The following ARHGEF1 variants were observed in gnomAD, a reference collection of about 807,000 sequenced individuals.
ARHGEF1 encodes Rho guanine nucleotide exchange factor 1.
A neutral mutation model predicts 119.7 loss-of-function variants in ARHGEF1; 40 were observed. The ratio of observed to expected loss-of-function variants is 0.33; its 90% CI spans 0.26 to 0.44. The LOEUF (loss-of-function observed/expected upper bound fraction) is 0.44. Ranked by LOEUF, ARHGEF1 falls within the 20% of genes least tolerant of loss-of-function variation. The pLI, the probability that ARHGEF1 is intolerant of heterozygous loss-of-function variation, is 1.00. For missense variants in ARHGEF1, 976 were observed against 1,268.3 expected (o/e 0.77, Z 3.50); for synonymous variants, 494 against 521.0 (o/e 0.95, Z 0.71).
At chr19:41,919,375 C>T (rs997245004), upstream of ARHGEF1, among the ~76,000 whole-genome samples, 23 of 152,282 alleles carry the variant, frequency 1.5e-4, no homozygotes, top group African/African-American at 5.1e-4. Context: ...CACAAACATA[C>T]ACAATCAAAC....
chr19:41,892,239 C>T lies in ARHGEF1; in HGVS notation c.325-92C>T. 1 of 1,583,288 alleles carries T rather than the reference C, an allele frequency of 6.3e-7. No homozygotes were observed. The highest frequency in any genetic ancestry group is 8.7e-7 in the Non-Finnish European group (1 of 1,155,772). On this transcript the variant is annotated intron_variant, in intron 5 of 28. Coordinates refer to ENST00000354532, the MANE Select transcript of ARHGEF1 (RefSeq NM_004706.4). The surrounding 1 kb of genome is among the most constrained non-coding windows in gnomAD (Gnocchi z 6.3). ...CTGCTGACCCAGGCCTTCCCCAGCA[C>T]CCTCGCTTAGACCAGGGTTCCTGGC...
At chr19:41,885,148 C>G (rs1308088676) in intron 1 of ARHGEF1, among the ~76,000 whole-genome samples, 1 of 152,028 alleles carries the variant, frequency 6.6e-6, no homozygotes, top group Non-Finnish European at 1.5e-5. Flanking sequence ...TGTCAGTTGC[C>G]TATAGATCCA....
chr19:41,888,811 C>T lies in ARHGEF1; in HGVS notation c.171C>T (p.Ala57=). ...QSLEQVKRRP[A]HLMALLQHVA... is the part of the protein sequence containing the mutation. Reference sequence around the variant, plus strand: ...TGGAGCAGGTGAAGCGGCGCCCAGCCCACCTCATGGCCCTCCTGCAGCACG... The same window carrying T: ...TGGAGCAGGTGAAGCGGCGCCCAGCTCACCTCATGGCCCTCCTGCAGCACG... The change falls in exon 4 of 29, where the codon GCC becomes GCT. Residue 57 remains alanine, a synonymous_variant. Transcript: ENST00000354532. The surrounding 1 kb of genome is among the most constrained non-coding windows in gnomAD (Gnocchi z 5.1). The T allele has an allele frequency of 6.2e-7, 1 of 1,614,252 alleles. No individual in the cohort carries two copies. The highest frequency in any genetic ancestry group is 8.5e-7 in the Non-Finnish European group (1 of 1,180,032).
At chr19:41,908,840 C>A (rs1312105707), downstream of ARHGEF1, among the ~76,000 whole-genome samples, 2 of 151,732 alleles carry the variant, frequency 1.3e-5, no homozygotes, top group Non-Finnish European at 2.9e-5. This position sits in a 1 kb window ranked among gnomAD's most constrained non-coding sequence, Gnocchi z 6.7. Context: ...CCCACTCCCC[C>A]ACTTGTCTTC....
chr19:41,901,847 C>T (rs1555849059), intron 14 of ARHGEF1, 40 bp from the exon 15 acceptor site: 1 of 1,596,566 alleles, frequency 6.3e-7, no homozygotes, highest in Non-Finnish European at 8.5e-7. Context: ...CCCTAGTCTG[C>T]ACCCTCCCCA....
Position 41,904,842 on chromosome 19 carries a change from G to T in ARHGEF1, c.2162-107G>T. Reference sequence around the variant, plus strand: ...GTGAGTGGTGAGTTGAGCCATGGGAGCCCTGAGAGCGCCACCACTGTGGGT... The same window carrying T: ...GTGAGTGGTGAGTTGAGCCATGGGATCCCTGAGAGCGCCACCACTGTGGGT... On this transcript the variant is annotated intron_variant, in intron 22 of 28. Transcript: ENST00000354532. The surrounding 1 kb of genome is among the most constrained non-coding windows in gnomAD (Gnocchi z 8.4). 1.1e-6 allele frequency: 1 copy of T among 895,070 alleles called. No homozygotes were observed. The allele number at this position is 895,070 out of a possible 1,614,324, so 55.4% of individuals were successfully genotyped here.
chr19:41,925,285 C>T (rs2074865070), intron 1 of ARHGEF1, among the ~76,000 whole-genome samples: 1 of 151,766 alleles, frequency 6.6e-6, no homozygotes, highest in African/African-American at 2.4e-5. Flanking sequence ...TGACCTTGTG[C>T]AGCAAGAGAG....
At chr19:41,897,809 C>T (rs1555848185) in intron 13 of ARHGEF1, 2 of 928,516 alleles carry the variant, frequency 2.2e-6, no homozygotes, top group Non-Finnish European at 1.4e-6. Flanking sequence ...CTGGCCTCTC[C>T]CCACCTCTGT....
rs1347805375 is a variant in ARHGEF1, at chr19:41,905,631, T to C, written c.2337-129T>C. The C allele has an allele frequency of 3.3e-6, 3 of 908,576 alleles. No individual in the cohort carries two copies. The highest frequency in any genetic ancestry group is 5.0e-6 in the Non-Finnish European group (3 of 597,460). 56.3% of individuals were successfully genotyped at this position (908,576 alleles called of 1,614,324 possible). ...TTGTCTGGGCCTCTCTGTCTCCCTG[T>C]CTCCCGGCCTCGACCTCTGTCTCTG... On this transcript the variant is annotated intron_variant, in intron 24 of 28. Transcript: ENST00000354532. This position sits in a 1 kb window ranked among gnomAD's most constrained non-coding sequence, Gnocchi z 6.4.
chr19:41,911,844 G>T (rs1309677997), downstream of ARHGEF1, among the ~76,000 whole-genome samples: 1 of 152,074 alleles, frequency 6.6e-6, no homozygotes, highest in East Asian at 1.9e-4. Flanking sequence ...CACAGCTAGA[G>T]AGAGGACCCC....
At chr19:41,911,917 A>G (rs1555851296), downstream of ARHGEF1, among the ~76,000 whole-genome samples, 1 of 151,920 alleles carries the variant, frequency 6.6e-6, no homozygotes, top group Non-Finnish European at 1.5e-5. Context: ...TCATGTGCAC[A>G]TGGACCCTAC....
In ARHGEF1 at chr19:41,896,396, G is replaced by A. The variant is rs547343524; in HGVS notation, c.1035G>A (p.Glu345=). The change falls in exon 13 of 29, where the codon GAG becomes GAA. Residue 345 remains glutamate, a synonymous_variant. Coordinates refer to ENST00000354532, the MANE Select transcript of ARHGEF1 (RefSeq NM_004706.4). ...DREPGADAPL[E]LGDSSPQGPM... ...CCACAGGTGCTGACGCCCCCCTGGA[G>A]CTGGGGGACTCATCCCCGCAGGGCC... The A allele has an allele frequency of 9.7e-6, 14 of 1,440,676 alleles. No individual in the cohort carries two copies. In the African/African-American group the frequency reaches 1.6e-4, roughly 16 times the overall value. The allele number at this position is 1,440,676 out of a possible 1,614,324, so 89.2% of individuals were successfully genotyped here.
chr19:41,903,392 C>T lies in ARHGEF1; in HGVS notation c.1824C>T (p.Asp608=), dbSNP rs782460548. 7 of 1,613,982 alleles carry T rather than the reference C, an allele frequency of 4.3e-6. No individual in the cohort carries two copies. The Admixed American group carries it at 8.3e-5, about 19-fold the overall frequency. ...ILHHVNQAVR[D]MEDLLRLKDY... is the part of the protein sequence containing the mutation. ...ACCACGTCAACCAAGCCGTGCGTGA[C>T]ATGGAGGACCTGCTGGTGAGCCTGG... The change falls in exon 19 of 29, where the codon GAC becomes GAT. Residue 608 remains aspartate (D), a synonymous_variant. Transcript: ENST00000354532. This position sits in a 1 kb window ranked among gnomAD's most constrained non-coding sequence, Gnocchi z 4.2.
chr19:41,923,359 G>A, intron 1 of ARHGEF1: 1 of 351,854 alleles, frequency 2.8e-6, no homozygotes. Context: ...GAGAAACTGA[G>A]AGAGAGTCAG....
At chr19:41,918,226 C>T (rs1363545853), upstream of ARHGEF1, among the ~76,000 whole-genome samples, 1 of 151,766 alleles carries the variant, frequency 6.6e-6, no homozygotes, top group Non-Finnish European at 1.5e-5. Context: ...CCACACATAC[C>T]ACATATACAC....
chr19:41,907,797 T>G, downstream of ARHGEF1: 1 of 166,008 alleles, frequency 6.0e-6, no homozygotes. Flanking sequence ...CCCTCCTGGG[T>G]GGGGGCTGGG....
rs782267504 is a variant in ARHGEF1, at chr19:41,904,013, C to G, written c.1918-22C>G. ...ATCACCCCCTGCCAACCTGCACAAA[C>G]CATCACCCCCTCCTGCCCCAGAACC... On this transcript the variant is annotated intron_variant, in intron 20 of 28. Transcript: ENST00000354532. This position sits in a 1 kb window ranked among gnomAD's most constrained non-coding sequence, Gnocchi z 8.4. 9 of 1,578,548 alleles carry G rather than the reference C, an allele frequency of 5.7e-6. No homozygotes were observed. Among genetic ancestry groups the G allele is most frequent in the Non-Finnish European group, 7.8e-6 (9 of 1,151,828 alleles).
chr19:41,918,357 C>G (rs1034906077), upstream of ARHGEF1, among the ~76,000 whole-genome samples: 5 of 150,974 alleles, frequency 3.3e-5, no homozygotes, highest in African/African-American at 1.2e-4. Flanking sequence ...ACACCATACA[C>G]ACACCATACC....
Position 41,903,218 on chromosome 19 carries a change from G to A in ARHGEF1, c.1739-89G>A, listed in dbSNP as rs955165544. 13 of 1,222,658 alleles carry A rather than the reference G, an allele frequency of 1.1e-5. No homozygotes were observed. The highest frequency in any genetic ancestry group is 4.5e-5 in the African/African-American group (3 of 66,740). 75.7% of individuals were successfully genotyped at this position (1,222,658 alleles called of 1,614,324 possible). On this transcript the variant is annotated intron_variant, in intron 18 of 28. Coordinates refer to ENST00000354532, the MANE Select transcript of ARHGEF1 (RefSeq NM_004706.4). The surrounding 1 kb of genome is among the most constrained non-coding windows in gnomAD (Gnocchi z 4.2). ...ATTACAGGCGTGAGCCACCATGCCC[G>A]GCCAGCTGTCCTTTGTCTAACCTTG...
Sources: gnomAD v4.1 joint callset for allele counts (sites outside exome capture counted in the v4.1 genomes callset) on GRCh38, gnomAD v4.1.1 for gene constraint, Gnocchi (gnomAD v3.1) non-coding constraint, MANE v1.5 for transcripts, NCBI Gene and HGNC (gene_info 2026-07-23, HGNC 2026-07-21) for gene names.